ST7: variants seen among roughly 807,000 people sequenced by gnomAD.
The protein encoded by ST7 is suppressor of tumorigenicity 7 protein.
A neutral mutation model predicts 78.7 loss-of-function variants in ST7; 28 were observed. That is an observed-to-expected ratio of 0.36 (90% CI 0.26 to 0.49). The LOEUF (loss-of-function observed/expected upper bound fraction) is 0.49, where lower values mean the gene tolerates loss of function less well. Among genes scored for constraint, ST7 ranks in the 20% least tolerant of loss-of-function variants. The probability of loss-of-function intolerance (pLI) is 0.99; values close to 1 mark genes in which losing one functional copy is unlikely to be tolerated. For missense variants in ST7, 418 were observed against 696.0 expected (o/e 0.60, Z 4.49); for synonymous variants, 247 against 249.6 (o/e 0.99, Z 0.10).
chr7:117,036,623 A>T (rs1796910475), intron 1 of ST7, among the ~76,000 whole-genome samples: 3 of 152,170 alleles, frequency 2.0e-5, no homozygotes. Flanking sequence ...GAACCATGTT[A>T]AAAAGAGAAA....
intron 9 of ST7, among the ~76,000 whole-genome samples, chr7:117,142,967 G>T (rs1490198759): frequency 6.6e-6 from 1 of 152,096 alleles, no homozygotes; most frequent in Admixed American, 6.5e-5. Flanking sequence ...CTTAGTGTGG[G>T]TGTAAGCCTC....
chr7:117,150,639 T>C (rs1806171374), intron 9 of ST7, among the ~76,000 whole-genome samples: 1 of 152,202 alleles, frequency 6.6e-6, no homozygotes, highest in African/African-American at 2.4e-5. Flanking sequence ...GCCTCCATTC[T>C]TCCCTGTGAC....
At chr7:117,097,908 A>ATATATATTTT in intron 1 of ST7, among the ~76,000 whole-genome samples, 1 of 30,010 alleles carries the variant, frequency 3.3e-5, no homozygotes, top group African/African-American at 1.6e-4. Context: ...ATATATATAT[A>ATATATATTTT]TTTTTTTTTT....
intron 2 of ST7, among the ~76,000 whole-genome samples, chr7:117,116,690 C>T (rs772226930): frequency 2.6e-5 from 4 of 152,124 alleles, no homozygotes; most frequent in Non-Finnish European, 5.9e-5. Context: ...GTTCTCTGTA[C>T]ACAGCAGGGG....
intron 1 of ST7, chr7:116,953,941 G>T (rs909041092): frequency 6.6e-6 from 1 of 151,450 alleles, no homozygotes; most frequent in African/African-American, 2.4e-5. Flanking sequence ...CCCGCAAGGC[G>T]GGCCGGGCCG....
intron 1 of ST7, among the ~76,000 whole-genome samples, chr7:117,047,504 T>C (rs1398834137): frequency 6.6e-6 from 1 of 152,220 alleles, no homozygotes; most frequent in Non-Finnish European, 1.5e-5. Flanking sequence ...GAGAGTCCTC[T>C]AGGAAAATTT....
In ST7 at chr7:117,130,624, A is replaced by C; in HGVS notation, c.565+18A>C. Reference sequence around the variant, plus strand: ...AGATGCAAGTATGAAAAATCCATACATCCTTCTGAATGGGAGGGCTTTTTG... The same window carrying C: ...AGATGCAAGTATGAAAAATCCATACCTCCTTCTGAATGGGAGGGCTTTTTG... On this transcript the variant is annotated intron_variant, in intron 5 of 15. Transcript: ENST00000323984. 1.3e-6 allele frequency: 2 copies of C among 1,586,082 alleles called. No homozygotes were observed. Among genetic ancestry groups the C allele is most frequent in the Non-Finnish European group, 8.6e-7 (1 of 1,159,238 alleles).
At chr7:116,966,023 C>T in intron 1 of ST7, 1 of 437,116 alleles carries the variant, frequency 2.3e-6, no homozygotes. Flanking sequence ...TCATGCCCAC[C>T]TGGCCATTGG....
intron 5 of ST7, 112 bp downstream of exon 5, chr7:117,130,718 T>G: frequency 1.5e-6 from 1 of 668,798 alleles, no homozygotes; most frequent in South Asian, 2.1e-5. Flanking sequence ...AAATATTAAA[T>G]TGTTGATTGA....
At chr7:117,012,283 ATT>A (rs201580835) in intron 1 of ST7, among the ~76,000 whole-genome samples, 58 of 142,178 alleles carry the variant, frequency 4.1e-4, no homozygotes, top group Non-Finnish European at 4.3e-4. Flanking sequence ...GTTTTTTGAA[ATT>A]TTTTTTTTTT....
chr7:116,975,749 A>T (rs2116288282), intron 1 of ST7, among the ~76,000 whole-genome samples: 2 of 151,462 alleles, frequency 1.3e-5, no homozygotes, highest in South Asian at 4.2e-4. Context: ...TAGGTAGATT[A>T]TCTATTATGT....
At chr7:116,983,436 A>C (rs1430835482) in intron 1 of ST7, among the ~76,000 whole-genome samples, 1 of 152,086 alleles carries the variant, frequency 6.6e-6, no homozygotes, top group East Asian at 1.9e-4. Context: ...CTGATATCAC[A>C]TGCTTGGGTT....
intron 9 of ST7, among the ~76,000 whole-genome samples, chr7:117,161,955 G>T (rs59736284): frequency 0.05 from 7,535 of 151,744 alleles, 627 homozygotes; most frequent in African/African-American, 0.17. Flanking sequence ...ATATTGTATT[G>T]TTTTGTGTGC....
Position 117,157,888 on chromosome 7 carries a change from C to T in ST7, c.964-12974C>T, listed in dbSNP as rs3808216. On this transcript the variant is annotated intron_variant, in intron 9 of 15. Coordinates refer to ENST00000323984, the MANE Select transcript of ST7 (RefSeq NM_001369598.1). Reference sequence around the variant, plus strand: ...CATGATCTCCGGGCTAGGACACAGCCCTGTTTTAAGCTGTTTAAGATGAGA... The same window carrying T: ...CATGATCTCCGGGCTAGGACACAGCTCTGTTTTAAGCTGTTTAAGATGAGA... Among the ~76,000 whole-genome samples the T allele has an allele frequency of 8.5e-5, 13 of 152,210 alleles. No individual in the cohort carries two copies. In the East Asian group the frequency reaches 2.5e-3, roughly 29 times the overall value.
chr7:117,169,843 T>G (rs1412363383), intron 9 of ST7, among the ~76,000 whole-genome samples: 1 of 147,564 alleles, frequency 6.8e-6, no homozygotes, highest in African/African-American at 2.5e-5. Context: ...AGTTCTCCAC[T>G]GTGTGGCTGT....
At chr7:117,033,947 C>T (rs1364538127) in intron 1 of ST7, among the ~76,000 whole-genome samples, 1 of 152,032 alleles carries the variant, frequency 6.6e-6, no homozygotes, top group East Asian at 1.9e-4. Flanking sequence ...TGTTCTTCTT[C>T]CTTTTTTTGT....
chr7:117,046,921 C>T (rs994037311), intron 1 of ST7, among the ~76,000 whole-genome samples: 2 of 152,176 alleles, frequency 1.3e-5, no homozygotes, highest in African/African-American at 4.8e-5. Context: ...ATTTACCTCT[C>T]TGAGCCTCTT....
At chr7:117,134,101 A>G in intron 6 of ST7, 23 bp from the exon 7 acceptor site, 1 of 1,610,384 alleles carries the variant, frequency 6.2e-7, no homozygotes, top group African/African-American at 1.3e-5. Flanking sequence ...CATTTTACCA[A>G]CTATTTTTTT....
intron 12 of ST7, among the ~76,000 whole-genome samples, chr7:117,201,707 G>A (rs921062358): frequency 2.6e-5 from 4 of 151,964 alleles, no homozygotes; most frequent in Non-Finnish European, 4.4e-5. Flanking sequence ...ATGTTGCCCA[G>A]GCTGGTCTTG....
Sources: allele counts gnomAD v4.1 joint callset (sites outside exome capture counted in the v4.1 genomes callset), GRCh38; gene constraint gnomAD v4.1.1; transcripts MANE v1.5; gene names NCBI Gene and HGNC (gene_info 2026-07-23, HGNC 2026-07-21).